The following WWOX variants were observed in gnomAD, a reference collection of about 807,000 sequenced individuals.
WWOX encodes WW domain-containing oxidoreductase.
In WWOX, 69 loss-of-function variants were observed where a neutral mutation model predicts 46.2. That is an observed-to-expected ratio of 1.49 (90% CI 1.23 to 1.82). The LOEUF (loss-of-function observed/expected upper bound fraction) is 1.82. Among genes scored for constraint, WWOX ranks in the 40% most tolerant of loss-of-function variants. WWOX has a pLI of 0.00. For synonymous variants in WWOX, 359 were observed against 202.6 expected (o/e 1.77, Z -6.56); for missense variants, 919 against 542.6 (o/e 1.69, Z -6.89).
rs2045495750 is a variant in WWOX, at chr16:78,926,286, T to C, written c.1057-285322T>C. Among the ~76,000 whole-genome samples, 9 of 151,668 alleles carry C rather than the reference T, an allele frequency of 5.9e-5. No homozygotes were observed. The South Asian group carries it at 1.9e-3, about 32-fold the overall frequency. Reference sequence around the variant, plus strand: ...TACCTGGGAGGCTAAAGTGGGAGGATATCCTGAGCCCAGGAGGTGGAGATT... The same window carrying C: ...TACCTGGGAGGCTAAAGTGGGAGGACATCCTGAGCCCAGGAGGTGGAGATT... On this transcript the variant is annotated intron_variant, in intron 8 of 8. Coordinates refer to ENST00000566780, the MANE Select transcript of WWOX (RefSeq NM_016373.4).
At chr16:78,779,236 C>T (rs1409429317) in intron 8 of WWOX, among the ~76,000 whole-genome samples, 2 of 152,178 alleles carry the variant, frequency 1.3e-5, no homozygotes, top group Non-Finnish European at 2.9e-5. Context: ...CATCTGCCTC[C>T]CTGGCTCAAG....
At chr16:78,469,789 C>T (rs1378905731) in intron 8 of WWOX, among the ~76,000 whole-genome samples, 5 of 152,122 alleles carry the variant, frequency 3.3e-5, no homozygotes, top group Admixed American at 1.3e-4. Context: ...GAAGAGCTTC[C>T]TCTCAGTGCT....
intron 5 of WWOX, among the ~76,000 whole-genome samples, chr16:78,258,505 G>T (rs144772426): frequency 6.6e-6 from 1 of 152,008 alleles, no homozygotes; most frequent in Admixed American, 6.6e-5. Flanking sequence ...AGTTTATGGT[G>T]TGTCTGCCAG....
chr16:78,989,856 G>A (rs1171240789), intron 8 of WWOX, among the ~76,000 whole-genome samples: 1 of 149,616 alleles, frequency 6.7e-6, no homozygotes, highest in Non-Finnish European at 1.5e-5. Context: ...GTGTGTGTGT[G>A]ATTGAGAGAG....
rs1240170977 is a variant in WWOX, at chr16:78,397,484, C to G, written c.605+10536C>G. On this transcript the variant is annotated intron_variant, in intron 6 of 8. Transcript: ENST00000566780. The stretch of plus-strand genomic sequence containing the variant: ...CAGACTAAGAAATTAAGAACCTCAA[C>G]CAAGTTCATGCTAGCTGGTACGCAG... 3.3e-5 allele frequency among the ~76,000 whole-genome samples: 5 copies of G among 152,172 alleles called. No individual in the cohort carries two copies. In the East Asian group the frequency reaches 5.8e-4, roughly 18 times the overall value.
At chr16:78,754,284 A>G (rs1597553043) in intron 8 of WWOX, among the ~76,000 whole-genome samples, 2 of 152,064 alleles carry the variant, frequency 1.3e-5, no homozygotes, top group African/African-American at 2.4e-5. Context: ...CTGATGAGCA[A>G]TCAGTGAGTT....
chr16:78,193,504 C>G (rs1277766212), intron 5 of WWOX, among the ~76,000 whole-genome samples: 3 of 17,592 alleles, frequency 1.7e-4, no homozygotes, highest in Admixed American at 8.3e-4. Flanking sequence ...AGTGATCAGT[C>G]ACCCCATTAA....
Position 78,576,106 on chromosome 16 carries a change from T to C in WWOX, c.1056+143354T>C, listed in dbSNP as rs551911104. Reference sequence around the variant, plus strand: ...GAATTGGGAATGTTGTCTGACAGTTTCCCTCTTACCGTTGCATAGAATGAC... The same window carrying C: ...GAATTGGGAATGTTGTCTGACAGTTCCCCTCTTACCGTTGCATAGAATGAC... On this transcript the variant is annotated intron_variant, in intron 8 of 8. Transcript: ENST00000566780. Among the ~76,000 whole-genome samples the C allele has an allele frequency of 2.0e-5, 3 of 152,180 alleles. No homozygotes were observed. In the South Asian group the frequency reaches 6.2e-4, roughly 32 times the overall value.
chr16:78,696,471 C>G (rs1174718963), intron 8 of WWOX, among the ~76,000 whole-genome samples: 2 of 151,886 alleles, frequency 1.3e-5, no homozygotes, highest in Admixed American at 6.6e-5. Context: ...TTTTGAGTTT[C>G]GATTTTTTTT....
chr16:79,178,526 A>T (rs977604904), intron 8 of WWOX, among the ~76,000 whole-genome samples: 6 of 152,118 alleles, frequency 3.9e-5, no homozygotes, highest in African/African-American at 1.4e-4. Context: ...TGTGTTGTCC[A>T]GGCTGGTCTC....
At chr16:78,912,338 C>G (rs1273538608) in intron 8 of WWOX, among the ~76,000 whole-genome samples, 1 of 152,082 alleles carries the variant, frequency 6.6e-6, no homozygotes, top group Admixed American at 6.6e-5. Context: ...TTTCATCCTT[C>G]CAGCTCTGGG....
intron 4 of WWOX, among the ~76,000 whole-genome samples, chr16:78,132,619 T>A (rs1033152152): frequency 1.3e-5 from 2 of 152,210 alleles, no homozygotes; most frequent in African/African-American, 4.8e-5. Context: ...TGAGATGGTA[T>A]GTGCTAAAAA....
chr16:78,473,107 A>G (rs779683370), intron 8 of WWOX, among the ~76,000 whole-genome samples: 1 of 152,190 alleles, frequency 6.6e-6, no homozygotes. Flanking sequence ...TTTTATAGGA[A>G]CACAGTGTTG....
At chr16:78,427,234 C>G (rs1021373622) in intron 7 of WWOX, among the ~76,000 whole-genome samples, 22 of 152,262 alleles carry the variant, frequency 1.4e-4, no homozygotes, top group African/African-American at 5.3e-4. Flanking sequence ...AAAGAAAGTC[C>G]TATGTTTGCA....
chr16:78,267,656 A>C (rs927445996), intron 5 of WWOX, among the ~76,000 whole-genome samples: 2 of 152,188 alleles, frequency 1.3e-5, no homozygotes, highest in Non-Finnish European at 2.9e-5. Flanking sequence ...GACATCTGAC[A>C]CTGTCTTTTA....
At chr16:78,975,250 A>T (rs1179099167) in intron 8 of WWOX, among the ~76,000 whole-genome samples, 1 of 152,192 alleles carries the variant, frequency 6.6e-6, no homozygotes, top group East Asian at 1.9e-4. Context: ...TTTTGCACCC[A>T]GGGAAGGTGT....
intron 8 of WWOX, among the ~76,000 whole-genome samples, chr16:78,846,008 G>A (rs35384961): frequency 0.25 from 38,483 of 152,042 alleles, 5,125 homozygotes; most frequent in Middle Eastern, 0.35. Context: ...AGATGGTAGC[G>A]TGGATGCGGG....
At chr16:78,497,034 T>C (rs542053768) in intron 8 of WWOX, among the ~76,000 whole-genome samples, 1 of 152,330 alleles carries the variant, frequency 6.6e-6, no homozygotes, top group Admixed American at 6.5e-5. Flanking sequence ...AAGTCAGAAA[T>C]TATTCTGCAG....
At chr16:78,670,189 G>A (rs2047426562) in intron 8 of WWOX, among the ~76,000 whole-genome samples, 2 of 152,212 alleles carry the variant, frequency 1.3e-5, no homozygotes, top group Admixed American at 1.3e-4. Flanking sequence ...TCACCAGCAG[G>A]TCCAGCTCTA....
Sources: gnomAD v4.1 joint callset for allele counts (sites outside exome capture counted in the v4.1 genomes callset) on GRCh38, gnomAD v4.1.1 for gene constraint, MANE v1.5 for transcripts, NCBI Gene and HGNC (gene_info 2026-07-23, HGNC 2026-07-21) for gene names.